Variants in TNFAIP8L3 observed in about 807,000 individuals in gnomAD.
The protein encoded by TNFAIP8L3 is tumor necrosis factor alpha-induced protein 8-like protein 3.
TNFAIP8L3 carries 7 observed loss-of-function variants against 11.8 expected under a neutral mutation model. The ratio of observed to expected loss-of-function variants is 0.59; its 90% CI spans 0.34 to 1.11. TNFAIP8L3 has a LOEUF of 1.11. TNFAIP8L3 is among the 50% of genes most tolerant of loss of function. The pLI is 0.03. For missense variants in TNFAIP8L3, 219 were observed against 258.6 expected (o/e 0.85, Z 1.05); for synonymous variants, 98 against 103.8 (o/e 0.94, Z 0.34).
At chr15:51,071,189 T>C (rs533263607) in intron 1 of TNFAIP8L3, among the ~76,000 whole-genome samples, 1 of 151,786 alleles carries the variant, frequency 6.6e-6, no homozygotes, top group East Asian at 1.9e-4. Flanking sequence ...TAACAAATAC[T>C]GTGTAGCCAC....
chr15:51,070,637 T>C (rs765099429), intron 1 of TNFAIP8L3, among the ~76,000 whole-genome samples: 1 of 152,198 alleles, frequency 6.6e-6, no homozygotes, highest in South Asian at 2.1e-4. Flanking sequence ...GTTCAGTGCT[T>C]CAGCCTGCCA....
At chr15:51,077,463 C>A (rs1388589738) in intron 1 of TNFAIP8L3, among the ~76,000 whole-genome samples, 2 of 152,240 alleles carry the variant, frequency 1.3e-5, no homozygotes, top group Non-Finnish European at 2.9e-5. Flanking sequence ...CTAAGCCAAG[C>A]ACGCCCTGCT....
chr15:51,098,345 C>T (rs1157565731), upstream of TNFAIP8L3, among the ~76,000 whole-genome samples: 6 of 152,272 alleles, frequency 3.9e-5, no homozygotes, highest in South Asian at 2.1e-4. Context: ...GCTCTAGAAC[C>T]GCTGTTTTCT....
chr15:51,098,722 CAT>C (rs1194707013), upstream of TNFAIP8L3, among the ~76,000 whole-genome samples: 2 of 152,150 alleles, frequency 1.3e-5, no homozygotes, highest in Non-Finnish European at 1.5e-5. Flanking sequence ...TCACGGTTAA[CAT>C]ATCTTTTGAG....
At chr15:51,073,663 T>A (rs2065328954) in intron 1 of TNFAIP8L3, among the ~76,000 whole-genome samples, 2 of 152,204 alleles carry the variant, frequency 1.3e-5, no homozygotes, top group Non-Finnish European at 2.9e-5. Context: ...TGACCCCCTA[T>A]TTCTTTTTCC....
intron 1 of TNFAIP8L3, among the ~76,000 whole-genome samples, chr15:51,070,096 T>A (rs544263361): frequency 6.6e-6 from 1 of 152,354 alleles, no homozygotes; most frequent in South Asian, 2.1e-4. Context: ...CAGTTACATA[T>A]TAATGTTGCT....
chr15:51,074,628 A>T (rs1348908247), intron 1 of TNFAIP8L3, among the ~76,000 whole-genome samples: 1 of 152,226 alleles, frequency 6.6e-6, no homozygotes, highest in Admixed American at 6.5e-5. Flanking sequence ...AGGAGGCTCA[A>T]CTCTTCACAA....
intron 1 of TNFAIP8L3, among the ~76,000 whole-genome samples, chr15:51,075,746 T>C (rs967848855): frequency 1.2e-4 from 19 of 152,178 alleles, no homozygotes; most frequent in African/African-American, 4.6e-4. Flanking sequence ...ACCTAAAATG[T>C]GCAAAACAAT....
At chr15:51,074,805 C>T (rs778357547) in intron 1 of TNFAIP8L3, among the ~76,000 whole-genome samples, 4 of 152,200 alleles carry the variant, frequency 2.6e-5, no homozygotes, top group African/African-American at 9.6e-5. Context: ...GGAAGAGGCA[C>T]AGCTGACAGG....
Position 51,057,873 on chromosome 15 carries a change from G to C in TNFAIP8L3, c.*8C>G, listed in dbSNP as rs1357899207. On this transcript the variant is annotated 3_prime_UTR_variant, in exon 2 of 2. Transcript: ENST00000637513. ...TAAAGCAGCAAAGTCCAGTAGGAGG[G>C]AAGGCATTTAAAGGACTTTCTCATC... 6.4e-7 allele frequency: 1 copy of C among 1,557,036 alleles called. No individual in the cohort carries two copies. Among genetic ancestry groups the C allele is most frequent in the African/African-American group, 1.4e-5 (1 of 73,306 alleles).
chr15:51,093,223 C>T (rs1235800701), intron 1 of TNFAIP8L3, among the ~76,000 whole-genome samples: 2 of 152,210 alleles, frequency 1.3e-5, no homozygotes, highest in Non-Finnish European at 2.9e-5. Flanking sequence ...CTTAAATACA[C>T]GCATCTTGGC....
chr15:51,079,578 G>C (rs1194637953), intron 1 of TNFAIP8L3, among the ~76,000 whole-genome samples: 3 of 152,176 alleles, frequency 2.0e-5, no homozygotes, highest in Non-Finnish European at 4.4e-5. Flanking sequence ...CCAGGGGCCT[G>C]AGACACTCTC....
At chr15:51,101,853 A>G (rs1446344684) in intron 1 of TNFAIP8L3, among the ~76,000 whole-genome samples, 1 of 147,312 alleles carries the variant, frequency 6.8e-6, no homozygotes, top group African/African-American at 2.5e-5. Flanking sequence ...GGCTGAGGCA[A>G]GAGAATGGCG....
chr15:51,080,601 C>T (rs1034062919), intron 1 of TNFAIP8L3, among the ~76,000 whole-genome samples: 11 of 152,226 alleles, frequency 7.2e-5, no homozygotes, highest in Non-Finnish European at 1.2e-4. Flanking sequence ...GTCCTCGGTT[C>T]AGTGGAGCAC....
intron 1 of TNFAIP8L3, among the ~76,000 whole-genome samples, chr15:51,071,046 G>A (rs2065305315): frequency 1.6e-5 from 1 of 64,400 alleles, no homozygotes; most frequent in Non-Finnish European, 3.1e-5. Flanking sequence ...GCGAGACTCC[G>A]TCTCAAAAAA....
Position 51,057,393 on chromosome 15 carries a change from G to A in TNFAIP8L3, c.*488C>T, listed in dbSNP as rs2065213030. On this transcript the variant is annotated 3_prime_UTR_variant, in exon 2 of 2. Coordinates refer to ENST00000637513, the MANE Select transcript of TNFAIP8L3 (RefSeq NM_001311175.2). ...ATCCAGGTTTATCCCCTCACACTCA[G>A]AAGACAAAATATTAAGACTTTAAAT... 1 of 154,350 alleles carries A rather than the reference G, an allele frequency of 6.5e-6. No individual in the cohort carries two copies. Among genetic ancestry groups the A allele is most frequent in the Non-Finnish European group, 1.4e-5 (1 of 69,458 alleles). 9.6% of individuals were successfully genotyped at this position (154,350 alleles called of 1,614,324 possible).
rs78897873 is a variant in TNFAIP8L3, at chr15:51,058,090, T to G, written c.406A>C (p.Asn136His). 0.042 allele frequency: 68,340 copies of G among 1,614,066 alleles called. 1,700 individuals carry two copies. Among genetic ancestry groups the G allele is most frequent in the Middle Eastern group, 0.058 (349 of 6,060 alleles). The change falls in exon 2 of 2, where the codon AAT becomes CAT. Residue 136 changes from asparagine (N) to histidine (H), a missense_variant. Physicochemically the swap from Asn to His is moderately conservative, Grantham distance 68. Transcript: ENST00000637513. ...EYTFDRNVLSNLLHECKDLVH... is the reference protein window; with the variant it reads ...EYTFDRNVLSHLLHECKDLVH... ...AGGTCCTTGCACTCATGCAGGAGAT[T>G]GGAGAGCACGTTCCTATCGAAGGTG...
At chr15:51,073,349 T>C (rs899292602) in intron 1 of TNFAIP8L3, among the ~76,000 whole-genome samples, 1 of 152,212 alleles carries the variant, frequency 6.6e-6, no homozygotes, top group African/African-American at 2.4e-5. Context: ...ATGACATGTC[T>C]CTCCATTTAG....
chr15:51,093,766 G>A (rs1395573705), intron 1 of TNFAIP8L3, among the ~76,000 whole-genome samples: 1 of 152,140 alleles, frequency 6.6e-6, no homozygotes, highest in Non-Finnish European at 1.5e-5. Context: ...AGAGACCGGC[G>A]GCAAGTCGAC....
Sources: gnomAD v4.1 joint callset for allele counts (sites outside exome capture counted in the v4.1 genomes callset) on GRCh38, gnomAD v4.1.1 for gene constraint, MANE v1.5 for transcripts, NCBI Gene and HGNC (gene_info 2026-07-23, HGNC 2026-07-21) for gene names.